Variants in SLC23A1 observed in about 807,000 individuals in gnomAD.
SLC23A1 encodes the protein solute carrier family 23 member 1, also known as Na(+)/L-ascorbic acid transporter 1.
In SLC23A1, 31 loss-of-function variants were observed where a neutral mutation model predicts 62.5. The ratio of observed to expected loss-of-function variants is 0.50; its 90% confidence interval spans 0.37 to 0.67. The LOEUF (loss-of-function observed/expected upper bound fraction) is 0.67, where lower values mean the gene tolerates loss of function less well. Ranked by LOEUF, SLC23A1 falls within the 30% of genes least tolerant of loss-of-function variation. The pLI, the probability that SLC23A1 is intolerant of heterozygous loss-of-function variation, is 0.00. For synonymous variants in SLC23A1, 271 were observed against 313.2 expected (o/e 0.87, Z 1.42); for missense variants, 640 against 782.7 (o/e 0.82, Z 2.18).
At chr5:139,377,837 C>T (rs1758018296) in intron 12 of SLC23A1, 138 bp downstream of exon 12, 1 of 785,390 alleles carries the variant, frequency 1.3e-6, no homozygotes, top group Non-Finnish European at 2.0e-6. Flanking sequence ...AGCTGTGACC[C>T]AAGCTCTCAG....
chr5:139,380,512 C>T, intron 5 of SLC23A1, 53 bp downstream of exon 5: 8 of 1,595,874 alleles, frequency 5.0e-6, no homozygotes, highest in Non-Finnish European at 2.6e-6. Flanking sequence ...CCCTCACTCC[C>T]ATATAGCCCC....
intron 4 of SLC23A1, 70 bp from the exon 5 acceptor site, chr5:139,380,702 T>C: frequency 6.1e-6 from 9 of 1,483,254 alleles, no homozygotes; most frequent in Non-Finnish European, 7.5e-6. Context: ...GATGCTGCCA[T>C]GGCTGCACCC....
Position 139,377,977 on chromosome 5 carries a change from G to A in SLC23A1, c.1451C>T (p.Thr484Ile), listed in dbSNP as rs1217350053. 6.2e-7 allele frequency: 1 copy of A among 1,613,586 alleles called. No homozygotes were observed. Among genetic ancestry groups the A allele is most frequent in the South Asian group, 1.1e-5 (1 of 90,946 alleles). ...YLESNPGAIN[T>I]GILEVDQILI... ...AGACAGTAAACAGCTGGAGGCACCT[G>A]TATTGATGGCGCCAGGGTTGGACTC... is the stretch of plus-strand genomic sequence containing the variant. The change falls in exon 12 of 15, where the codon ACA becomes ATA. Residue 484 changes from threonine to isoleucine, a missense_variant and splice_region_variant. Physicochemically the swap from Thr to Ile is moderately conservative, Grantham distance 89. Coordinates refer to ENST00000348729, the MANE Select transcript of SLC23A1 (RefSeq NM_005847.5).
rs1758062398 is a variant in SLC23A1 at position 139,378,469 on chromosome 5, C to A, written c.1179+110G>T. ...AACCGGCTGGGGCTTGATGCGGGGG[C>A]GAGGCCTCTCAAAGACAGGGTGGGG... On this transcript the variant is annotated intron_variant, in intron 10 of 14. Coordinates refer to ENST00000348729, the MANE Select transcript of SLC23A1 (RefSeq NM_005847.5). This position sits in a 1 kb window ranked among gnomAD's most constrained non-coding sequence, Gnocchi z 4.5. 2.1e-6 allele frequency: 3 copies of A among 1,444,522 alleles called. No homozygotes were observed. The allele number at this position is 1,444,522 out of a possible 1,614,324, so 89.5% of individuals were successfully genotyped here. A position where few individuals can be genotyped will look rare whatever the true frequency, so the allele number is the denominator to read the frequency against.
Position 139,379,208 on chromosome 5 carries a change from T to G in SLC23A1, c.1072A>C (p.Arg358=). ...APPPPVHAIN[R]GIFTEGICCI... is the part of the protein sequence containing the mutation. ...TACTGAGGAGGGCAGGTAGGCTACC[T>G]GTTGATAGCATGTACTGGAGGGGGT... The change falls in exon 9 of 15, where the codon AGG becomes CGG. Residue 358 remains arginine, a splice_region_variant and synonymous_variant. Transcript: ENST00000348729. This position sits in a 1 kb window ranked among gnomAD's most constrained non-coding sequence, Gnocchi z 4.7. The G allele has an allele frequency of 6.2e-7, 1 of 1,614,002 alleles. No homozygotes were observed. The highest frequency in any genetic ancestry group is 8.5e-7 in the Non-Finnish European group (1 of 1,179,896).
intron 3 of SLC23A1, among the ~76,000 whole-genome samples, chr5:139,381,614 C>CAA (rs904456829): frequency 4.6e-3 from 252 of 55,032 alleles, no homozygotes; most frequent in African/African-American, 9.2e-3. Flanking sequence ...ACTCCGTCTC[C>CAA]AAAAAAAAAA....
chr5:139,381,046 C>G (rs996746703), intron 3 of SLC23A1, among the ~76,000 whole-genome samples, 160 bp from the exon 4 acceptor site: 3 of 152,198 alleles, frequency 2.0e-5, no homozygotes, highest in East Asian at 1.9e-4. Flanking sequence ...AAGACCATCT[C>G]TAACATTTTG....
intron 2 of SLC23A1, 45 bp from the exon 3 acceptor site, chr5:139,382,094 G>A (rs1366365703): frequency 6.4e-7 from 1 of 1,565,012 alleles, no homozygotes; most frequent in South Asian, 1.2e-5. Flanking sequence ...GGACCCCAGA[G>A]CTCCAGGGAG....
At position 139,382,057 on chromosome 5, in the gene SLC23A1, G is replaced by C; in HGVS notation, c.151-8C>G. 2 of 1,605,654 alleles carry C rather than the reference G, an allele frequency of 1.2e-6. No homozygotes were observed. Among genetic ancestry groups the C allele is most frequent in the Non-Finnish European group, 1.7e-6 (2 of 1,175,934 alleles). On this transcript the variant is annotated splice_region_variant and splice_polypyrimidine_tract_variant and intron_variant, in intron 2 of 14. Coordinates refer to ENST00000348729, the MANE Select transcript of SLC23A1 (RefSeq NM_005847.5). ...GAAGCATGTCAGGTAGTGCTGGGCA[G>C]AGGGAGACAGCAGAGTGCATGAGGC...
At position 139,378,463 on chromosome 5, in the gene SLC23A1, C is replaced by T. The variant is rs555264928; in HGVS notation, c.1180-112G>A. The T allele has an allele frequency of 2.1e-6, 3 of 1,447,204 alleles. No individual in the cohort carries two copies. The highest frequency in any genetic ancestry group is 2.8e-6 in the Non-Finnish European group (3 of 1,061,776). The allele number at this position is 1,447,204 out of a possible 1,614,324, so 89.6% of individuals were successfully genotyped here. A position where few individuals can be genotyped will look rare whatever the true frequency, so the allele number is the denominator to read the frequency against. On this transcript the variant is annotated intron_variant, in intron 10 of 14. Coordinates refer to ENST00000348729, the MANE Select transcript of SLC23A1 (RefSeq NM_005847.5). The surrounding 1 kb of genome is among the most constrained non-coding windows in gnomAD (Gnocchi z 4.5). ...GGCATAAACCGGCTGGGGCTTGATGCGGGGGCGAGGCCTCTCAAAGACAGG... is the reference window on the plus strand; with the variant it reads ...GGCATAAACCGGCTGGGGCTTGATGTGGGGGCGAGGCCTCTCAAAGACAGG...
intron 14 of SLC23A1, among the ~76,000 whole-genome samples, chr5:139,368,578 C>CA (rs1383165091): frequency 1.3e-5 from 2 of 151,728 alleles, no homozygotes; most frequent in African/African-American, 4.8e-5. Flanking sequence ...ATATAGCTTA[C>CA]ATCTGGTTCT....
At position 139,378,778 on chromosome 5, in the gene SLC23A1, G is replaced by A. The variant is rs971455737; in HGVS notation, c.1074-94C>T. On this transcript the variant is annotated intron_variant, in intron 9 of 14. Coordinates refer to ENST00000348729, the MANE Select transcript of SLC23A1 (RefSeq NM_005847.5). The surrounding 1 kb of genome is among the most constrained non-coding windows in gnomAD (Gnocchi z 4.5). Reference sequence around the variant, plus strand: ...GCAAGCTGCCGTCCTCTGGGGCTGTGGGGGCTGCAGCTATCAGCTGTAGCA... The same window carrying A: ...GCAAGCTGCCGTCCTCTGGGGCTGTAGGGGCTGCAGCTATCAGCTGTAGCA... 2.6e-5 allele frequency: 24 copies of A among 926,992 alleles called. No homozygotes were observed. The East Asian group carries it at 5.5e-4, about 21-fold the overall frequency. 57.4% of individuals were successfully genotyped at this position (926,992 alleles called of 1,614,324 possible).
In SLC23A1 at chr5:139,377,956, A is replaced by T. The variant is rs1758024331; in HGVS notation, c.1453+19T>A. ...TTGGGCCCACCCCGCCTTTGGAGAC[A>T]GTAAACAGCTGGAGGCACCTGTATT... On this transcript the variant is annotated intron_variant, in intron 12 of 14. Transcript: ENST00000348729. 2 of 1,611,946 alleles carry T rather than the reference A, an allele frequency of 1.2e-6. No individual in the cohort carries two copies. The highest frequency in any genetic ancestry group is 2.7e-5 in the African/African-American group (2 of 75,022).
intron 1 of SLC23A1, 123 bp downstream of exon 1, chr5:139,383,095 A>T: frequency 1.6e-6 from 1 of 621,464 alleles, no homozygotes; most frequent in African/African-American, 1.9e-5. Flanking sequence ...TCAATTTGGG[A>T]CAGTCACTCT....
At chr5:139,373,455 T>C (rs1030892746) in intron 13 of SLC23A1, among the ~76,000 whole-genome samples, 1 of 152,136 alleles carries the variant, frequency 6.6e-6, no homozygotes, top group Non-Finnish European at 1.5e-5. Flanking sequence ...TCTGGGATTA[T>C]AGGTGTGAGC....
chr5:139,381,650 C>CCAG (rs1164972183), intron 3 of SLC23A1, among the ~76,000 whole-genome samples: 1 of 150,576 alleles, frequency 6.6e-6, no homozygotes, highest in African/African-American at 2.4e-5. Context: ...GAGGGGAGAG[C>CCAG]CAGCGAGGGT....
chr5:139,379,815 G>A lies in SLC23A1; in HGVS notation c.788C>T (p.Thr263Ile). The A allele has an allele frequency of 1.9e-6, 3 of 1,614,160 alleles. No homozygotes were observed. The highest frequency in any genetic ancestry group is 2.5e-6 in the Non-Finnish European group (3 of 1,180,010). ...KMFPIMLAIM[T>I]VWLLCYVLTL... Reference sequence around the variant, plus strand: ...CAGGACATAGCAGAGCAGCCACACGGTCATGATGGCCAGCATGATCTGAAG... The same window carrying A: ...CAGGACATAGCAGAGCAGCCACACGATCATGATGGCCAGCATGATCTGAAG... Residue 263 changes from threonine to isoleucine, a missense_variant, in exon 8 of 15, where the codon ACC (threonine) becomes ATC (isoleucine). By Grantham distance (89) the Thr-to-Ile change is moderately conservative. Coordinates refer to ENST00000348729, the MANE Select transcript of SLC23A1 (RefSeq NM_005847.5). This position sits in a 1 kb window ranked among gnomAD's most constrained non-coding sequence, Gnocchi z 4.7.
intron 14 of SLC23A1, chr5:139,368,952 G>T: frequency 1.8e-6 from 1 of 559,302 alleles, no homozygotes. Flanking sequence ...AAAGTGCTGA[G>T]ACTGTTACTA....
In SLC23A1 at chr5:139,379,812, A is replaced by G. The variant is rs1192150936; in HGVS notation, c.791T>C (p.Val264Ala). ...GGTCAGGACATAGCAGAGCAGCCAC[A>G]CGGTCATGATGGCCAGCATGATCTG... ...MFPIMLAIMT[V>A]WLLCYVLTLT... The change falls in exon 8 of 15, where the codon GTG becomes GCG. Residue 264 changes from valine (V) to alanine (A), a missense_variant. Transcript: ENST00000348729. This position sits in a 1 kb window ranked among gnomAD's most constrained non-coding sequence, Gnocchi z 4.7. 1 of 1,613,992 alleles carries G rather than the reference A, an allele frequency of 6.2e-7. No individual in the cohort carries two copies. The highest frequency in any genetic ancestry group is 8.5e-7 in the Non-Finnish European group (1 of 1,180,000).
Sources: allele counts gnomAD v4.1 joint callset (sites outside exome capture counted in the v4.1 genomes callset), GRCh38; gene constraint gnomAD v4.1.1; non-coding constraint Gnocchi (gnomAD v3.1); transcripts MANE v1.5; gene names NCBI Gene and HGNC (gene_info 2026-07-23, HGNC 2026-07-21).